Variants in HAO1 observed in about 807,000 individuals in gnomAD.
HAO1 encodes the protein 2-Hydroxyacid oxidase 1.
A neutral mutation model predicts 39.7 loss-of-function variants in HAO1; 34 were observed. That is an observed-to-expected ratio of 0.86 (90% CI 0.65 to 1.14). HAO1 has a LOEUF of 1.14. Among genes scored for constraint, HAO1 ranks in the 50% most tolerant of loss-of-function variants. HAO1 has a pLI of 0.00. For missense variants in HAO1, 479 were observed against 464.5 expected (o/e 1.03, Z -0.29); for synonymous variants, 172 against 173.2 (o/e 0.99, Z 0.05).
At position 7,914,158 on chromosome 20, in the gene HAO1, G is replaced by A. The variant is rs762452646; in HGVS notation, c.545+6C>T. The A allele has an allele frequency of 3.1e-6, 5 of 1,613,764 alleles. No individual in the cohort carries two copies. The South Asian group carries it at 5.5e-5, about 18-fold the overall frequency. ...CTCAGCTCGGGGCCCACATGATCAT[G>A]GTTACCTGAGTTGTGGCGGCAGTTT... On this transcript the variant is annotated splice_donor_region_variant and intron_variant, in intron 3 of 7. Coordinates refer to ENST00000378789, the MANE Select transcript of HAO1 (RefSeq NM_017545.3).
chr20:7,922,587 A>C (rs1258993890), intron 2 of HAO1, among the ~76,000 whole-genome samples: 1 of 152,116 alleles, frequency 6.6e-6, no homozygotes, highest in Admixed American at 6.6e-5. Context: ...TAATTTCTGC[A>C]TTCCCAAGGT....
chr20:7,885,969 G>T (rs1283802171), intron 5 of HAO1, 105 bp from the exon 6 acceptor site: 2 of 888,952 alleles, frequency 2.2e-6, no homozygotes, highest in Non-Finnish European at 3.5e-6. Flanking sequence ...TAGAGTGAAA[G>T]AAGCCAAGTA....
intron 2 of HAO1, among the ~76,000 whole-genome samples, chr20:7,922,255 C>T (rs542663657): frequency 6.6e-6 from 1 of 152,174 alleles, no homozygotes; most frequent in African/African-American, 2.4e-5. Flanking sequence ...GAAGTATCAC[C>T]TCCAACTGTT....
chr20:7,895,341 A>G, intron 4 of HAO1, 117 bp from the exon 5 acceptor site: 1 of 678,812 alleles, frequency 1.5e-6, no homozygotes, highest in African/African-American at 1.8e-5. Flanking sequence ...ACCTGGGTCA[A>G]TAATCTTAGC....
chr20:7,910,473 T>C (rs548313089), intron 3 of HAO1, among the ~76,000 whole-genome samples: 7 of 152,314 alleles, frequency 4.6e-5, no homozygotes, highest in African/African-American at 1.7e-4. Flanking sequence ...AAGATATCAA[T>C]AGGGCTGTAT....
intron 5 of HAO1, among the ~76,000 whole-genome samples, chr20:7,889,791 C>T (rs938480657): frequency 6.6e-6 from 1 of 152,170 alleles, no homozygotes; most frequent in Non-Finnish European, 1.5e-5. Context: ...TTGTTGTCCA[C>T]TTTCTTTTTG....
intron 7 of HAO1, 31 bp from the exon 8 acceptor site, chr20:7,883,694 A>G: frequency 7.2e-7 from 1 of 1,397,430 alleles, no homozygotes; most frequent in Non-Finnish European, 1.0e-6. Flanking sequence ...TTTAATATGA[A>G]CTGAATGCAA....
At chr20:7,905,901 A>G (rs1255517373) in intron 4 of HAO1, among the ~76,000 whole-genome samples, 1 of 152,222 alleles carries the variant, frequency 6.6e-6, no homozygotes, top group Non-Finnish European at 1.5e-5. Flanking sequence ...ACAGCTCTGA[A>G]ATAAGGCAAT....
intron 2 of HAO1, among the ~76,000 whole-genome samples, chr20:7,917,339 C>CAAAA (rs55848354): frequency 1.6e-4 from 10 of 62,378 alleles, no homozygotes; most frequent in Non-Finnish European, 2.6e-4. Context: ...GACTCCCTGT[C>CAAAA]AAAAAAAAAA....
At chr20:7,913,022 A>G (rs1021132706) in intron 3 of HAO1, among the ~76,000 whole-genome samples, 4 of 152,216 alleles carry the variant, frequency 2.6e-5, no homozygotes, top group South Asian at 4.1e-4. Context: ...CTCCACAGTC[A>G]CTGAAATAGA....
At chr20:7,898,676 T>C (rs747465617) in intron 4 of HAO1, among the ~76,000 whole-genome samples, 9 of 152,208 alleles carry the variant, frequency 5.9e-5, no homozygotes, top group Non-Finnish European at 8.8e-5. Flanking sequence ...ATGTAGCCAC[T>C]GACCAACTGA....
chr20:7,914,468 C>T (rs2050297180), intron 2 of HAO1, 49 bp from the exon 3 acceptor site: 1 of 1,594,710 alleles, frequency 6.3e-7, no homozygotes, highest in Non-Finnish European at 8.6e-7. Context: ...TGCTTACCCT[C>T]CCAAACCTTT....
chr20:7,894,803 G>A (rs969364983), intron 5 of HAO1, among the ~76,000 whole-genome samples: 1 of 152,192 alleles, frequency 6.6e-6, no homozygotes, highest in South Asian at 2.1e-4. Context: ...GGACATTCAT[G>A]GCATAATCCT....
chr20:7,894,610 G>A (rs189722319), intron 5 of HAO1, among the ~76,000 whole-genome samples: 26 of 152,116 alleles, frequency 1.7e-4, no homozygotes, highest in African/African-American at 3.1e-4. Flanking sequence ...CCCGTTGCCC[G>A]GACCTAAGCC....
At chr20:7,907,835 C>T (rs1428478812) in intron 3 of HAO1, among the ~76,000 whole-genome samples, 1 of 152,094 alleles carries the variant, frequency 6.6e-6, no homozygotes, top group Non-Finnish European at 1.5e-5. Flanking sequence ...TCAGGATACA[C>T]AATAGAATCA....
At chr20:7,916,697 T>C (rs2050308552) in intron 2 of HAO1, among the ~76,000 whole-genome samples, 1 of 152,242 alleles carries the variant, frequency 6.6e-6, no homozygotes, top group Non-Finnish European at 1.5e-5. Flanking sequence ...TGTATTTTGT[T>C]TTTGATAAAT....
intron 2 of HAO1, among the ~76,000 whole-genome samples, chr20:7,929,435 A>G (rs945919796): frequency 4.6e-5 from 7 of 152,206 alleles, no homozygotes; most frequent in African/African-American, 1.7e-4. Flanking sequence ...CAGGACACCT[A>G]TGATTTGTTG....
At chr20:7,916,851 G>A (rs572035597) in intron 2 of HAO1, among the ~76,000 whole-genome samples, 1 of 152,232 alleles carries the variant, frequency 6.6e-6, no homozygotes, top group South Asian at 2.1e-4. Context: ...AGGAATTCAT[G>A]ACTGGCAAAA....
chr20:7,933,253 A>AT (rs200435072), intron 2 of HAO1, among the ~76,000 whole-genome samples: 2 of 151,274 alleles, frequency 1.3e-5, no homozygotes, highest in African/African-American at 4.9e-5. Flanking sequence ...ACAGTCTCAT[A>AT]TTTTTTTTCC....
Sources: gnomAD v4.1 joint callset for allele counts (sites outside exome capture counted in the v4.1 genomes callset) on GRCh38, gnomAD v4.1.1 for gene constraint, MANE v1.5 for transcripts, NCBI Gene and HGNC (gene_info 2026-07-23, HGNC 2026-07-21) for gene names.